The following TBCE variants were observed in gnomAD, a reference collection of about 807,000 sequenced individuals.
The protein encoded by TBCE is tubulin folding cofactor E, also known as tubulin-specific chaperone E.
TBCE carries 53 observed loss-of-function variants against 77.0 expected under a neutral mutation model. That is an observed-to-expected ratio of 0.69 (90% CI 0.55 to 0.87). The LOEUF (loss-of-function observed/expected upper bound fraction) is 0.87, where lower values mean the gene tolerates loss of function less well. TBCE is among the 40% of genes least tolerant of loss of function. TBCE has a pLI of 0.00. For missense variants in TBCE, 624 were observed against 622.4 expected, an observed-to-expected ratio of 1.00 and a Z score of -0.03; for synonymous variants, 235 against 241.3, an observed-to-expected ratio of 0.97 and a Z score of 0.24.
At chr1:235,397,308 TCTC>T (rs1400936387) in intron 2 of TBCE, among the ~76,000 whole-genome samples, 2 of 151,696 alleles carry the variant, frequency 1.3e-5, no homozygotes, top group African/African-American at 4.9e-5. Context: ...TTCACGCCAT[TCTC>T]CTGCTTCAGC....
chr1:235,450,547 A>G lies in TBCE; in HGVS notation c.*1785A>G, dbSNP rs1172301876. 5 of 541,162 alleles carry G rather than the reference A, an allele frequency of 9.2e-6. No homozygotes were observed. The highest frequency in any genetic ancestry group is 1.6e-5 in the Non-Finnish European group (5 of 306,538). The allele number at this position is 541,162 out of a possible 1,614,324, so 33.5% of individuals were successfully genotyped here. On this transcript the variant is annotated 3_prime_UTR_variant, in exon 17 of 17. Coordinates refer to ENST00000642610, the MANE Select transcript of TBCE (RefSeq NM_003193.5). ...GGTCCCACAGTCCTGTGGCTGTGGA[A>G]TACAGAAACAAGGCGGTGTGTGGAT...
chr1:235,369,291 G>A (rs1255585916), intron 1 of TBCE, among the ~76,000 whole-genome samples: 2 of 148,416 alleles, frequency 1.3e-5, no homozygotes, highest in African/African-American at 2.5e-5. Context: ...GGTGGATCAC[G>A]AGGTCAAGAG....
intron 1 of TBCE, among the ~76,000 whole-genome samples, chr1:235,368,185 C>A (rs1346865073): frequency 1.3e-5 from 2 of 152,150 alleles, no homozygotes; most frequent in African/African-American, 4.8e-5. Context: ...GGATTACAGG[C>A]GTGAGCCACC....
intron 2 of TBCE, among the ~76,000 whole-genome samples, chr1:235,392,090 A>G (rs987245584): frequency 1.4e-4 from 21 of 152,038 alleles, no homozygotes; most frequent in African/African-American, 5.1e-4. Context: ...GGGAGGCTGA[A>G]GAGGGAGGAT....
At position 235,430,822 on chromosome 1, in the gene TBCE, T is replaced by C; in HGVS notation, c.660+18T>C. 1 of 1,588,896 alleles carries C rather than the reference T, an allele frequency of 6.3e-7. No homozygotes were observed. Among genetic ancestry groups the C allele is most frequent in the South Asian group, 1.1e-5 (1 of 90,392 alleles). The stretch of plus-strand genomic sequence containing the variant: ...GGGCTGAGGTAATCATATTTCTTTG[T>C]TTTATTACACATTAATAAGCAATTA... On this transcript the variant is annotated intron_variant, in intron 7 of 16. Transcript: ENST00000642610.
intron 2 of TBCE, among the ~76,000 whole-genome samples, chr1:235,394,963 C>T (rs6684130): frequency 0.16 from 23,990 of 152,094 alleles, 2,558 homozygotes; most frequent in African/African-American, 0.3. Flanking sequence ...CCTTGGCCTC[C>T]GAAAGTGCTG....
Position 235,372,674 on chromosome 1 carries a change from C to T in TBCE, c.-32+5170C>T, listed in dbSNP as rs1255443887. ...GCACGGTGGCTCACGTCTGTAATTC[C>T]AGCACTTTGGGAGGCCGAGGCGGGC... On this transcript the variant is annotated intron_variant, in intron 1 of 16. Coordinates refer to ENST00000642610, the MANE Select transcript of TBCE (RefSeq NM_003193.5). Among the ~76,000 whole-genome samples, 4 of 151,756 alleles carry T rather than the reference C, an allele frequency of 2.6e-5. No homozygotes were observed. The East Asian group carries it at 7.8e-4, about 29-fold the overall frequency.
In TBCE at chr1:235,441,833, T is replaced by C. The variant is rs1415511790; in HGVS notation, c.1290T>C (p.Asp430=). The change falls in exon 14 of 17, where the codon GAT becomes GAC. Residue 430 remains aspartate, a synonymous_variant. Coordinates refer to ENST00000642610, the MANE Select transcript of TBCE (RefSeq NM_003193.5). ...FLCLKYGAPE[D]WELKTQQPLM... ...AAACAGAATATGGTGCACCTGAAGA[T>C]TGGGAACTCAAAACACAGCAACCAC... 5 of 1,613,972 alleles carry C rather than the reference T, an allele frequency of 3.1e-6. No individual in the cohort carries two copies. The highest frequency in any genetic ancestry group is 2.2e-5 in the East Asian group (1 of 44,858).
rs954984977 is a variant in TBCE, at chr1:235,389,722, C to G, written c.100+9573C>G. On this transcript the variant is annotated intron_variant, in intron 2 of 16. Coordinates refer to ENST00000642610, the MANE Select transcript of TBCE (RefSeq NM_003193.5). ...AGTAATAATTTCTGCGGTTACTTCA[C>G]TGGATGTTGTAGAGCTGTTATGACA... 1.1e-4 allele frequency among the ~76,000 whole-genome samples: 17 copies of G among 152,320 alleles called. No individual in the cohort carries two copies. In the East Asian group the frequency reaches 3.3e-3, roughly 29 times the overall value.
Position 235,434,189 on chromosome 1 carries a change from G to T in TBCE, c.661-15G>T. ...AGCAGAGGCCGCCTGAGCCTGAACC[G>T]AGTTTCTCTTCCAGGTGCTGCGGTG... On this transcript the variant is annotated splice_polypyrimidine_tract_variant and intron_variant, in intron 7 of 16. Transcript: ENST00000642610. The T allele has an allele frequency of 1.2e-6, 2 of 1,613,970 alleles. No homozygotes were observed. Among genetic ancestry groups the T allele is most frequent in the South Asian group, 2.2e-5 (2 of 91,082 alleles).
chr1:235,380,337 G>A (rs532542312), intron 2 of TBCE, among the ~76,000 whole-genome samples, 188 bp downstream of exon 2: 3 of 151,892 alleles, frequency 2.0e-5, no homozygotes, highest in Admixed American at 2.0e-4. Context: ...AGTATCCTGT[G>A]GTATCTATGA....
intron 4 of TBCE, chr1:235,416,063 G>C (rs1053644655): frequency 6.6e-6 from 1 of 151,252 alleles, no homozygotes; most frequent in African/African-American, 2.4e-5. Context: ...CAGCTGCTTG[G>C]GAGGCTGAGG....
At position 235,401,586 on chromosome 1, in the gene TBCE, AG is replaced by A. The variant is rs1417986014; in HGVS notation, c.185+1del. 6.2e-7 allele frequency: 1 copy of A among 1,612,940 alleles called. No individual in the cohort carries two copies. Among genetic ancestry groups the A allele is most frequent in the South Asian group, 1.1e-5 (1 of 91,050 alleles). On this transcript the variant is annotated frameshift_variant and splice_region_variant, in exon 3 of 17. Transcript: ENST00000642610. LOFTEE classifies it high-confidence loss of function. Reference sequence around the variant, plus strand: ...CGAAGGGACTGTGTATTTTAAATGCAGGTAACTTTTCATTATGAATCAGCAC... The same window carrying A: ...CGAAGGGACTGTGTATTTTAAATGCAGTAACTTTTCATTATGAATCAGCAC... ...SHEGTVYFKC[R>X]HPTGGSFIRP...
At chr1:235,410,076 G>A (rs1260669600) in intron 3 of TBCE, among the ~76,000 whole-genome samples, 3 of 148,266 alleles carry the variant, frequency 2.0e-5, no homozygotes, top group East Asian at 2.1e-4. Flanking sequence ...TTAGCCGGGC[G>A]TGGTGTTGCA....
Position 235,450,607 on chromosome 1 carries a change from A to T in TBCE, c.*1845A>T. ...GTCAACAAATGCCATTCCGTAATGA[A>T]CGATTTTAGAAACCACAAGTGAGTT... is the stretch of plus-strand genomic sequence containing the variant. On this transcript the variant is annotated 3_prime_UTR_variant, in exon 17 of 17. Transcript: ENST00000642610. 2.5e-6 allele frequency: 1 copy of T among 397,132 alleles called. No individual in the cohort carries two copies. Among genetic ancestry groups the T allele is most frequent in the Non-Finnish European group, 4.7e-6 (1 of 213,376 alleles). The allele number at this position is 397,132 out of a possible 1,614,324, so 24.6% of individuals were successfully genotyped here.
At chr1:235,370,792 A>C (rs539850201) in intron 1 of TBCE, among the ~76,000 whole-genome samples, 2 of 136,604 alleles carry the variant, frequency 1.5e-5, no homozygotes, top group Admixed American at 1.6e-4. Flanking sequence ...CTCAGGCTGG[A>C]GTGCAATTGT....
At chr1:235,371,720 T>A (rs1403037098) in intron 1 of TBCE, among the ~76,000 whole-genome samples, 3 of 152,116 alleles carry the variant, frequency 2.0e-5, no homozygotes, top group Non-Finnish European at 4.4e-5. Context: ...TCACCCAGGC[T>A]GGAGTGCAAT....
chr1:235,368,147 C>T (rs1231444628), intron 1 of TBCE, among the ~76,000 whole-genome samples: 1 of 152,104 alleles, frequency 6.6e-6, no homozygotes, highest in Non-Finnish European at 1.5e-5. Flanking sequence ...CTCAGATGAT[C>T]CACCCGCCTC....
At chr1:235,425,256 G>T (rs1680643197) in intron 5 of TBCE, among the ~76,000 whole-genome samples, 1 of 152,080 alleles carries the variant, frequency 6.6e-6, no homozygotes. Flanking sequence ...CATTTGCACA[G>T]GCCACAGATC....
Sources: gnomAD v4.1 joint callset for allele counts (sites outside exome capture counted in the v4.1 genomes callset) on GRCh38, gnomAD v4.1.1 for gene constraint, MANE v1.5 for transcripts, NCBI Gene and HGNC (gene_info 2026-07-23, HGNC 2026-07-21) for gene names.